Variants in AGBL1 observed in about 807,000 individuals in gnomAD.
The protein encoded by AGBL1 is cytosolic carboxypeptidase 4.
In AGBL1, 130 loss-of-function variants were observed where a neutral mutation model predicts 118.9. The observed-to-expected ratio is 1.09, with a 90% CI of 0.95 to 1.26. The LOEUF (loss-of-function observed/expected upper bound fraction) is 1.26, where lower values mean the gene tolerates loss of function less well. AGBL1 is among the 50% of genes most tolerant of loss of function. AGBL1 has a pLI of 0.00. For synonymous variants in AGBL1, 555 were observed against 478.9 expected (o/e 1.16, Z -2.08); for missense variants, 1,584 against 1,298.1 (o/e 1.22, Z -3.38).
At chr15:86,723,518 G>A (rs1395862515) in intron 22 of AGBL1, among the ~76,000 whole-genome samples, 1 of 152,118 alleles carries the variant, frequency 6.6e-6, no homozygotes, top group Non-Finnish European at 1.5e-5. Flanking sequence ...AGTGGGGTGA[G>A]GGGGGAGGGA....
At position 86,295,272 on chromosome 15, in the gene AGBL1, G is replaced by A. The variant is rs773260455; in HGVS notation, c.2238G>A (p.Leu746=). ...YTALMTHLDI[L]EKSVNLKEVY... is the part of the protein sequence containing the mutation. ...TGCTCCAGACTCATCTTGACATCCT[G>A]GAAAAGAGTGTCAACCTCAAAGAGG... Residue 746 remains leucine, a synonymous_variant, in exon 17 of 23, where the codon CTG becomes CTA. Transcript: ENST00000614907. 1.7e-5 allele frequency: 28 copies of A among 1,613,468 alleles called. No homozygotes were observed. The highest frequency in any genetic ancestry group is 2.1e-5 in the Non-Finnish European group (25 of 1,179,708).
At chr15:86,549,989 T>A (rs1282603264) in intron 20 of AGBL1, among the ~76,000 whole-genome samples, 3 of 152,004 alleles carry the variant, frequency 2.0e-5, no homozygotes, top group African/African-American at 7.2e-5. Flanking sequence ...GTCAGCAGAT[T>A]TGAGATGGCA....
intron 21 of AGBL1, among the ~76,000 whole-genome samples, chr15:86,608,940 A>G (rs1028865937): frequency 6.6e-6 from 1 of 152,196 alleles, no homozygotes; most frequent in Admixed American, 6.5e-5. Context: ...TTGCATCGCT[A>G]GTGACTTGCT....
intron 9 of AGBL1, among the ~76,000 whole-genome samples, chr15:86,262,283 A>G (rs2079003702): frequency 6.6e-6 from 1 of 151,936 alleles, no homozygotes; most frequent in Non-Finnish European, 1.5e-5. Context: ...TTCTCTCGCT[A>G]AAAGGCAAAT....
At chr15:86,326,952 C>T (rs1412262816) in intron 17 of AGBL1, among the ~76,000 whole-genome samples, 2 of 147,710 alleles carry the variant, frequency 1.4e-5, no homozygotes, top group Non-Finnish European at 3.0e-5. Flanking sequence ...TAATTTTGCA[C>T]AGAGCATTAT....
intron 17 of AGBL1, among the ~76,000 whole-genome samples, chr15:86,355,585 A>T (rs1185754954): frequency 2.4e-4 from 36 of 152,228 alleles, no homozygotes; most frequent in Non-Finnish European, 1.5e-5. Flanking sequence ...CAAATCTTCC[A>T]GCCAATATTA....
intron 23 of AGBL1, among the ~76,000 whole-genome samples, chr15:86,984,855 A>AC (rs1466651437): frequency 6.6e-6 from 1 of 152,100 alleles, no homozygotes; most frequent in African/African-American, 2.4e-5. Flanking sequence ...TTGTTAAACC[A>AC]CCACTACAAT....
At chr15:86,483,031 C>G (rs556188644) in intron 18 of AGBL1, among the ~76,000 whole-genome samples, 3 of 151,872 alleles carry the variant, frequency 2.0e-5, no homozygotes, top group Non-Finnish European at 4.4e-5. Context: ...AAAAATTATG[C>G]TGAGAGGGGT....
intron 18 of AGBL1, among the ~76,000 whole-genome samples, chr15:86,459,631 C>A (rs1471611385): frequency 6.6e-6 from 1 of 152,054 alleles, no homozygotes; most frequent in Non-Finnish European, 1.5e-5. Flanking sequence ...ACTCATCATG[C>A]CCCAGACACA....
rs142755235 is a variant in AGBL1 at position 86,218,085 on chromosome 15, C to T, written c.489-6829C>T. Among the ~76,000 whole-genome samples, 802 of 152,216 alleles carry T rather than the reference C, an allele frequency of 5.3e-3. 4 individuals are homozygous for T. The highest frequency in any genetic ancestry group is 0.012 in the African/African-American group (500 of 41,538). ...ATTTTCTAATATACCTAAGGAATAA[C>T]CTAGGAAGTTAAAATATATGTTCCA... On this transcript the variant is annotated intron_variant, in intron 5 of 22. Transcript: ENST00000614907.
chr15:86,260,570 T>C (rs2078966894), intron 9 of AGBL1, among the ~76,000 whole-genome samples: 1 of 152,198 alleles, frequency 6.6e-6, no homozygotes, highest in South Asian at 2.1e-4. Flanking sequence ...TCAGGTGCTT[T>C]ATTGGGTATG....
chr15:86,848,099 A>G (rs1300042457), intron 22 of AGBL1, among the ~76,000 whole-genome samples: 1 of 152,016 alleles, frequency 6.6e-6, no homozygotes, highest in Non-Finnish European at 1.5e-5. Context: ...TTTTTCACAG[A>G]CTGGACCCAC....
chr15:86,564,335 C>G (rs4454938), intron 21 of AGBL1, among the ~76,000 whole-genome samples: 1 of 151,594 alleles, frequency 6.6e-6, no homozygotes, highest in African/African-American at 2.4e-5. Flanking sequence ...GGAGGTGACA[C>G]AATCTCTCAG....
At chr15:86,533,966 G>T (rs1281615071) in intron 19 of AGBL1, among the ~76,000 whole-genome samples, 1 of 90,224 alleles carries the variant, frequency 1.1e-5, no homozygotes, top group African/African-American at 4.4e-5. Flanking sequence ...CTGTGGTGGG[G>T]TGGGGGGAGG....
At chr15:86,147,604 G>C (rs1423185999) in intron 3 of AGBL1, among the ~76,000 whole-genome samples, 8 of 152,162 alleles carry the variant, frequency 5.3e-5, no homozygotes, top group African/African-American at 1.7e-4. Flanking sequence ...ACAAAGCCGG[G>C]AAGCTCCAAC....
chr15:86,612,490 C>T (rs758829983), intron 21 of AGBL1, among the ~76,000 whole-genome samples: 25 of 151,966 alleles, frequency 1.6e-4, no homozygotes, highest in Non-Finnish European at 2.8e-4. Flanking sequence ...CTCCTCCCTT[C>T]GGAGTTTAGA....
chr15:87,005,033 C>G (rs2081483810), intron 24 of AGBL1, among the ~76,000 whole-genome samples: 1 of 152,200 alleles, frequency 6.6e-6, no homozygotes, highest in Non-Finnish European at 1.5e-5. Flanking sequence ...TCTGTTCTGG[C>G]TTGTAGAGTT....
At chr15:86,927,567 A>G (rs2080558016) in intron 23 of AGBL1, among the ~76,000 whole-genome samples, 1 of 152,236 alleles carries the variant, frequency 6.6e-6, no homozygotes, top group Non-Finnish European at 1.5e-5. Context: ...AACCTGGGTG[A>G]CAGAGCAAGA....
At chr15:87,023,579 G>T (rs1395908860) in intron 24 of AGBL1, among the ~76,000 whole-genome samples, 1 of 152,018 alleles carries the variant, frequency 6.6e-6, no homozygotes, top group Non-Finnish European at 1.5e-5. Context: ...AGGTCATCAA[G>T]ACAGAAATTC....
Sources: allele counts gnomAD v4.1 joint callset (sites outside exome capture counted in the v4.1 genomes callset), GRCh38; gene constraint gnomAD v4.1.1; transcripts MANE v1.5; gene names NCBI Gene and HGNC (gene_info 2026-07-23, HGNC 2026-07-21).